The following CTU1 variants were observed in gnomAD, a reference collection of about 807,000 sequenced individuals.
CTU1 encodes the protein cytosolic thiouridylase subunit 1.
CTU1 carries 15 observed loss-of-function variants against 12.9 expected under a neutral mutation model. The observed-to-expected ratio is 1.16, with a 90% CI of 0.78 to 1.79. The LOEUF is 1.79. Among genes scored for constraint, CTU1 ranks in the 40% most tolerant of loss-of-function variants. The pLI, the probability that CTU1 is intolerant of heterozygous loss-of-function variation, is 0.00. For missense variants in CTU1, 553 were observed against 550.5 expected (o/e 1.00, Z -0.05); for synonymous variants, 295 against 275.6 (o/e 1.07, Z -0.70).
At chr19:51,104,720 G>GC (rs1448740125) in intron 1 of CTU1, 130 bp from the exon 2 acceptor site, 4 of 643,834 alleles carry the variant, frequency 6.2e-6, no homozygotes, top group Non-Finnish European at 8.7e-6. Context: ...GAGTGGAGTA[G>GC]CTTCTTCTAG....
chr19:51,099,035 C>G lies in CTU1; in HGVS notation c.613G>C (p.Gly205Arg). The change falls in exon 3 of 3, where the codon GGC becomes CGC. Residue 205 changes from glycine (G) to arginine (R), a missense_variant. This residue lies in a region of CTU1 where 500 missense variants were observed against 458.5 expected (regional missense o/e 1.09). Transcript: ENST00000421832. ...GGGLGSPGEG[G>R]ALPRCRPLQF... ...AGCGGGCGGCAGCGCGGCAGGGCGCCCCCCTCGCCGGGAGAGCCCAGGCCC... is the reference window on the plus strand; with the variant it reads ...AGCGGGCGGCAGCGCGGCAGGGCGCGCCCCTCGCCGGGAGAGCCCAGGCCC... 2.0e-6 allele frequency: 3 copies of G among 1,510,876 alleles called. No individual in the cohort carries two copies. The highest frequency in any genetic ancestry group is 2.6e-6 in the Non-Finnish European group (3 of 1,133,566). The allele number at this position is 1,510,876 out of a possible 1,614,324, so 93.6% of individuals were successfully genotyped here.
chr19:51,099,763 T>G (rs1279381883), intron 2 of CTU1, among the ~76,000 whole-genome samples: 1 of 152,056 alleles, frequency 6.6e-6, no homozygotes, highest in Non-Finnish European at 1.5e-5. Context: ...GGCTGCTGTC[T>G]CCCCCACCGC....
chr19:51,100,784 A>G (rs1281275185), intron 2 of CTU1, among the ~76,000 whole-genome samples: 1 of 152,154 alleles, frequency 6.6e-6, no homozygotes, highest in Non-Finnish European at 1.5e-5. Flanking sequence ...ACAGAACTAC[A>G]AGATAATAAA....
chr19:51,105,741 C>T (rs1386468769), intron 1 of CTU1, among the ~76,000 whole-genome samples: 1 of 152,222 alleles, frequency 6.6e-6, no homozygotes, highest in Admixed American at 6.5e-5. Context: ...GAGTACAGGG[C>T]AGCTCCATCC....
chr19:51,100,569 A>T (rs1376598136), intron 2 of CTU1, among the ~76,000 whole-genome samples: 1 of 152,166 alleles, frequency 6.6e-6, no homozygotes, highest in African/African-American at 2.4e-5. Flanking sequence ...ACTGCACTCC[A>T]GCCTGGGCTC....
chr19:51,106,607 G>C, intron 1 of CTU1, among the ~76,000 whole-genome samples: 1 of 151,970 alleles, frequency 6.6e-6, no homozygotes, highest in Non-Finnish European at 1.5e-5. Flanking sequence ...CCAGGGTCAA[G>C]CGTTTCTCCT....
intron 1 of CTU1, among the ~76,000 whole-genome samples, chr19:51,105,782 T>G (rs1212694114): frequency 6.6e-6 from 1 of 152,014 alleles, no homozygotes; most frequent in Non-Finnish European, 1.5e-5. Flanking sequence ...AGCTTTGGGG[T>G]CCAGGACCCT....
intron 2 of CTU1, among the ~76,000 whole-genome samples, chr19:51,103,298 G>A (rs1219330019): frequency 6.6e-6 from 1 of 152,114 alleles, no homozygotes; most frequent in Non-Finnish European, 1.5e-5. Flanking sequence ...TTTGTTGAAG[G>A]AATGGATGAA....
chr19:51,107,906 C>T (rs547574121), intron 1 of CTU1, among the ~76,000 whole-genome samples: 6 of 152,310 alleles, frequency 3.9e-5, no homozygotes, highest in African/African-American at 1.4e-4. Flanking sequence ...GTCTGTCTCT[C>T]TGCTTCAAGG....
intron 1 of CTU1, among the ~76,000 whole-genome samples, chr19:51,104,979 G>C (rs2091916932): frequency 6.6e-6 from 1 of 152,188 alleles, no homozygotes. Flanking sequence ...TTACAGTCCT[G>C]ATCAGGACAA....
chr19:51,104,209 G>C lies in CTU1; in HGVS notation c.361C>G (p.Leu121Val), dbSNP rs1246070082. 6.6e-7 allele frequency: 1 copy of C among 1,520,956 alleles called. No homozygotes were observed. The highest frequency in any genetic ancestry group is 8.8e-7 in the Non-Finnish European group (1 of 1,140,352). The allele number at this position is 1,520,956 out of a possible 1,614,324, so 94.2% of individuals were successfully genotyped here. The change falls in exon 2 of 3, where the codon CTC (leucine) becomes GTC (valine). Residue 121 changes from leucine (L) to valine (V), a missense_variant. Leu to Val is a conservative substitution (Grantham distance 32). Transcript: ENST00000421832. ...GCGTCCATCGTCCAGCCCCCAAAGA[G>C]GTCTTCGTAGGCCACGACCGTGAGC... ...LPLTVVAYEDLFGGWTMDAVA... is the reference protein window; with the variant it reads ...LPLTVVAYEDVFGGWTMDAVA...
Position 51,104,393 on chromosome 19 carries a change from C to G in CTU1, c.177G>C (p.Ser59=). Reference sequence around the variant, plus strand: ...CCAGCACCGTGGAGTCCTTGCCGCCCGAGGCGCCCACGGCCACCACCGCGC... The same window carrying G: ...CCAGCACCGTGGAGTCCTTGCCGCCGGAGGCGCCCACGGCCACCACCGCGC... ...PPGAVVAVGA[S]GGKDSTVLAH... The change falls in exon 2 of 3, where the codon TCG becomes TCC. Residue 59 remains serine, a synonymous_variant. Transcript: ENST00000421832. The G allele has an allele frequency of 1.6e-6, 2 of 1,284,132 alleles. No homozygotes were observed. Among genetic ancestry groups the G allele is most frequent in the Non-Finnish European group, 2.0e-6 (2 of 1,015,096 alleles). 79.5% of individuals were successfully genotyped at this position (1,284,132 alleles called of 1,614,324 possible).
chr19:51,106,182 TC>T (rs1453290357), intron 1 of CTU1, among the ~76,000 whole-genome samples: 1 of 152,156 alleles, frequency 6.6e-6, no homozygotes, highest in African/African-American at 2.4e-5. Flanking sequence ...TTCTCCAACC[TC>T]CTCTCCTTCA....
chr19:51,100,934 C>CAT (rs1951348226), intron 2 of CTU1, among the ~76,000 whole-genome samples: 1 of 145,452 alleles, frequency 6.9e-6, no homozygotes, highest in African/African-American at 2.6e-5. Context: ...TTTTATTGTG[C>CAT]GTGTGTGTGT....
Position 51,098,626 on chromosome 19 carries a change from GC to G in CTU1, c.1021del (p.Ala341ProfsTer18). On this transcript the variant is annotated frameshift_variant, in exon 3 of 3. Transcript: ENST00000421832. LOFTEE classifies it high-confidence loss of function. This position sits in a 1 kb window ranked among gnomAD's most constrained non-coding sequence, Gnocchi z 4.3. ...GTPGDPARPPASKAVPTF is the reference protein window; with the variant it reads ...GTPGDPARPPXSKAVPTF ...CTAGAAGGTGGGGACGGCCTTGGAG[GC>G]GGGGGGCCGGGCCGGATCCCCGGGC... 1 of 1,310,066 alleles carries G rather than the reference GC, an allele frequency of 7.6e-7. No individual in the cohort carries two copies. The allele number at this position is 1,310,066 out of a possible 1,614,324, so 81.2% of individuals were successfully genotyped here. A position where few individuals can be genotyped will look rare whatever the true frequency, so the allele number is the denominator to read the frequency against.
chr19:51,099,856 T>C (rs559889970), intron 2 of CTU1, among the ~76,000 whole-genome samples: 17 of 152,266 alleles, frequency 1.1e-4, no homozygotes, highest in African/African-American at 3.9e-4. Flanking sequence ...GCAAGTTGAA[T>C]TGGGGCTGCT....
intron 1 of CTU1, among the ~76,000 whole-genome samples, chr19:51,107,150 C>T (rs1356137886): frequency 6.6e-6 from 1 of 152,164 alleles, no homozygotes; most frequent in African/African-American, 2.4e-5. Context: ...CACAAGTTAG[C>T]AGAGCCTCAT....
intron 1 of CTU1, among the ~76,000 whole-genome samples, chr19:51,106,837 G>C (rs2091921918): frequency 6.6e-6 from 1 of 152,184 alleles, no homozygotes; most frequent in East Asian, 1.9e-4. Context: ...TCTTATGAGC[G>C]CCTCTGAATC....
At position 51,099,062 on chromosome 19, in the gene CTU1, C is replaced by T; in HGVS notation, c.586G>A (p.Gly196Arg). Residue 196 changes from glycine (G) to arginine (R), a missense_variant, in exon 3 of 3, where the codon GGG becomes AGG. This residue lies in a region of CTU1 where 500 missense variants were observed against 458.5 expected (regional missense o/e 1.09). Coordinates refer to ENST00000421832, the MANE Select transcript of CTU1 (RefSeq NM_145232.4). ...RGDAGRLARG[G>R]GLGSPGEGGA... ...CCCTCGCCGGGAGAGCCCAGGCCCC[C>T]GCCCCGGGCCAGCCGCCCCGCGTCG... 6.6e-7 allele frequency: 1 copy of T among 1,517,144 alleles called. No individual in the cohort carries two copies. Among genetic ancestry groups the T allele is most frequent in the Non-Finnish European group, 8.8e-7 (1 of 1,138,060 alleles). 94.0% of individuals were successfully genotyped at this position (1,517,144 alleles called of 1,614,324 possible).
Sources: allele counts gnomAD v4.1 joint callset (sites outside exome capture counted in the v4.1 genomes callset), GRCh38; gene constraint gnomAD v4.1.1; regional missense constraint gnomAD v4.1.1; non-coding constraint Gnocchi (gnomAD v3.1); transcripts MANE v1.5; gene names NCBI Gene and HGNC (gene_info 2026-07-23, HGNC 2026-07-21).